The following TEX15 variants were observed in gnomAD, a reference collection of about 807,000 sequenced individuals.
TEX15 encodes the protein testis-expressed protein 15.
In TEX15, 171 loss-of-function variants were observed where a neutral mutation model predicts 237.3. The ratio of observed to expected loss-of-function variants is 0.72; its 90% CI spans 0.64 to 0.82. TEX15 has a LOEUF of 0.82. TEX15 is among the 40% of genes least tolerant of loss of function. The probability of loss-of-function intolerance (pLI) is 0.00; values close to 1 mark genes in which losing one functional copy is unlikely to be tolerated. For missense variants in TEX15, 3,750 were observed against 3,646.5 expected (o/e 1.03, Z -0.73); for synonymous variants, 1,338 against 1,269.8 (o/e 1.05, Z -1.14).
chr8:30,864,166 A>G (rs1270972969), intron 5 of TEX15, among the ~76,000 whole-genome samples: 1 of 152,060 alleles, frequency 6.6e-6, no homozygotes, highest in Non-Finnish European at 1.5e-5. Context: ...CAGTAACTAA[A>G]ATGAACAGCT....
chr8:30,840,025 T>C, intron 8 of TEX15, 61 bp from the exon 9 acceptor site: 1 of 1,027,604 alleles, frequency 9.7e-7, no homozygotes, highest in Non-Finnish European at 1.4e-6. Context: ...ATAAAAATAA[T>C]TATTATTTCA....
In TEX15 at chr8:30,837,530, A is replaced by G; in HGVS notation, c.8754T>C (p.Leu2918=). The G allele has an allele frequency of 6.2e-7, 1 of 1,613,814 alleles. No homozygotes were observed. The highest frequency in any genetic ancestry group is 8.5e-7 in the Non-Finnish European group (1 of 1,179,810). ...ATGAATTTACTATATCATTATCTTG[A>G]AGTTCAAAGACTGTGTCATTCATTT... is the stretch of plus-strand genomic sequence containing the variant. ...DLEMNDTVFE[L]QDNDIVNSSI... is the part of the protein sequence containing the mutation. Residue 2918 remains leucine, a synonymous_variant, in exon 10 of 11, where the codon CTT becomes CTC. Transcript: ENST00000643185.
rs1807585106 is a variant in TEX15, at chr8:30,845,653, T to C, written c.4514A>G (p.His1505Arg). The C allele has an allele frequency of 3.7e-6, 6 of 1,613,510 alleles. No homozygotes were observed. The highest frequency in any genetic ancestry group is 5.1e-6 in the Non-Finnish European group (6 of 1,179,616). Residue 1505 changes from histidine to arginine, a missense_variant, in exon 8 of 11, where the codon CAC becomes CGC. By Grantham distance (29) the His-to-Arg change is conservative. Transcript: ENST00000643185. ...TTCTTGATTACAAAATTCTCCCATGTGACTGGTGGTGGGGTGACTTTTTGA... is the reference window on the plus strand; with the variant it reads ...TTCTTGATTACAAAATTCTCCCATGCGACTGGTGGTGGGGTGACTTTTTGA... Reference protein sequence around the residue: ...SVSKSHPTTSHMGEFCNQEHP... With the variant: ...SVSKSHPTTSRMGEFCNQEHP...
At position 30,846,235 on chromosome 8, in the gene TEX15, T is replaced by C. The variant is rs1807602674; in HGVS notation, c.3932A>G (p.Gln1311Arg). Residue 1311 changes from glutamine to arginine, a missense_variant, in exon 8 of 11, where the codon CAG becomes CGG. Gln to Arg is a conservative substitution (Grantham distance 43, BLOSUM62 1). Coordinates refer to ENST00000643185, the MANE Select transcript of TEX15 (RefSeq NM_001350162.2). ...KRKLHISSRD[Q>R]NIPHKDLRRH... ...TCTTAAATCTTTATGTGGTATGTTC[T>C]GATCCCTGGAAGATATATGTAGCTT... 1 of 1,613,508 alleles carries C rather than the reference T, an allele frequency of 6.2e-7. No individual in the cohort carries two copies. The highest frequency in any genetic ancestry group is 1.3e-5 in the African/African-American group (1 of 74,916).
intron 4 of TEX15, among the ~76,000 whole-genome samples, chr8:30,870,692 A>G (rs1253196419): frequency 6.6e-6 from 1 of 152,088 alleles, no homozygotes; most frequent in Non-Finnish European, 1.5e-5. Flanking sequence ...CAAAACGCTG[A>G]CAGCTAAGAG....
intron 8 of TEX15, among the ~76,000 whole-genome samples, chr8:30,840,938 AAC>A (rs1040095184): frequency 5.3e-4 from 81 of 152,142 alleles, no homozygotes; most frequent in Non-Finnish European, 1.0e-4. Flanking sequence ...TTTTTTTTGA[AAC>A]AGAGTCTTAC....
In TEX15 at chr8:30,843,227, T is replaced by A. The variant is rs2128767288; in HGVS notation, c.6940A>T (p.Ile2314Leu). The change falls in exon 8 of 11, where the codon ATA (isoleucine) becomes TTA (leucine). Residue 2314 changes from isoleucine (I) to leucine (L), a missense_variant. Transcript: ENST00000643185. ...NKCAFSKLQKIYDTLSKDLNN... is the reference protein window; with the variant it reads ...NKCAFSKLQKLYDTLSKDLNN... ...AAATCTTTAGACAAAGTATCATATA[T>A]CTTCTGCAACTTAGAAAAGGCACAT... 2 of 1,613,472 alleles carry A rather than the reference T, an allele frequency of 1.2e-6. No individual in the cohort carries two copies. Among genetic ancestry groups the A allele is most frequent in the South Asian group, 1.1e-5 (1 of 91,032 alleles).
chr8:30,906,196 C>T (rs1350047912), intron 1 of TEX15, among the ~76,000 whole-genome samples: 1 of 152,140 alleles, frequency 6.6e-6, no homozygotes, highest in African/African-American at 2.4e-5. Flanking sequence ...TTAATCCTCA[C>T]AGTTTAATGT....
intron 4 of TEX15, among the ~76,000 whole-genome samples, chr8:30,873,394 T>C (rs1011012713): frequency 2.6e-5 from 4 of 152,186 alleles, no homozygotes; most frequent in Admixed American, 1.3e-4. Flanking sequence ...GAGAAAATAA[T>C]GTTTCTTGTG....
At chr8:30,878,583 C>T (rs1808450918) in intron 3 of TEX15, among the ~76,000 whole-genome samples, 2 of 152,124 alleles carry the variant, frequency 1.3e-5, no homozygotes, top group Admixed American at 1.3e-4. Context: ...GATGCGGTTT[C>T]TCCATGTTGG....
intron 7 of TEX15, among the ~76,000 whole-genome samples, chr8:30,855,471 C>G (rs779781046): frequency 3.9e-5 from 6 of 152,178 alleles, no homozygotes; most frequent in Admixed American, 6.5e-5. Flanking sequence ...TGAAGAAATT[C>G]TAACTCTCAG....
chr8:30,863,745 T>C (rs1808100299), intron 5 of TEX15, among the ~76,000 whole-genome samples: 1 of 151,812 alleles, frequency 6.6e-6, no homozygotes, highest in South Asian at 2.1e-4. Context: ...GAGGGAAAAG[T>C]GCAGGCTCAG....
At position 30,845,718 on chromosome 8, in the gene TEX15, C is replaced by A. The variant is rs1475693618; in HGVS notation, c.4449G>T (p.Glu1483Asp). ...SKHKSYKTSG[E>D]KKCLSRKSMA... ...TACTTTTCCTAGAAAGGCATTTTTTCTCTCCACTTGTTTTATAAGACTTGT... is the reference window on the plus strand; with the variant it reads ...TACTTTTCCTAGAAAGGCATTTTTTATCTCCACTTGTTTTATAAGACTTGT... The change falls in exon 8 of 11, where the codon GAG (glutamate) becomes GAT (aspartate). Residue 1483 changes from glutamate (E) to aspartate (D), a missense_variant. Glu to Asp is a conservative substitution (Grantham distance 45, BLOSUM62 2). Transcript: ENST00000643185. 1 of 1,613,496 alleles carries A rather than the reference C, an allele frequency of 6.2e-7. No homozygotes were observed. Among genetic ancestry groups the A allele is most frequent in the African/African-American group, 1.3e-5 (1 of 74,906 alleles).
chr8:30,840,033 TC>T, intron 8 of TEX15, 69 bp from the exon 9 acceptor site: 7 of 908,996 alleles, frequency 7.7e-6, no homozygotes, highest in Non-Finnish European at 1.1e-5. Flanking sequence ...AATTATTATT[TC>T]AATATTAGAT....
chr8:30,869,067 A>T (rs1217039761), intron 4 of TEX15, among the ~76,000 whole-genome samples: 1 of 151,860 alleles, frequency 6.6e-6, no homozygotes, highest in South Asian at 2.1e-4. Context: ...ATGTCTTCAG[A>T]ACTATATTTG....
Position 30,875,033 on chromosome 8 carries a change from C to T in TEX15, c.206G>A (p.Arg69Lys). Residue 69 changes from arginine to lysine, a missense_variant, in exon 4 of 11, where the codon AGG becomes AAG. Transcript: ENST00000643185. ...SFIHDTLNQC[R>K]LDVNCDLQSL... is the part of the protein sequence containing the mutation. ...CTGCAGATCACAGTTTACATCAAGC[C>T]TGCACTGGTTAAGAGTATCATGTAT... The T allele has an allele frequency of 1.5e-6, 2 of 1,372,676 alleles. No individual in the cohort carries two copies. The highest frequency in any genetic ancestry group is 1.9e-6 in the Non-Finnish European group (2 of 1,060,690). 85.0% of individuals were successfully genotyped at this position (1,372,676 alleles called of 1,614,324 possible). A position where few individuals can be genotyped will look rare whatever the true frequency, so the allele number is the denominator to read the frequency against.
At chr8:30,855,678 AT>A (rs773857293) in intron 7 of TEX15, among the ~76,000 whole-genome samples, 3 of 152,210 alleles carry the variant, frequency 2.0e-5, no homozygotes, top group East Asian at 1.9e-4. Context: ...TTGTCAAAAG[AT>A]GGAAACAACC....
intron 3 of TEX15, among the ~76,000 whole-genome samples, chr8:30,886,145 C>T (rs1808641373): frequency 6.6e-6 from 1 of 152,140 alleles, no homozygotes; most frequent in Admixed American, 6.5e-5. Flanking sequence ...ATATCCTGGT[C>T]AACTGGGGCA....
intron 7 of TEX15, among the ~76,000 whole-genome samples, chr8:30,854,438 G>C (rs774208464): frequency 6.6e-6 from 1 of 151,988 alleles, no homozygotes; most frequent in Non-Finnish European, 1.5e-5. Flanking sequence ...TGAACGTGAT[G>C]CAAGAAGAAA....
Sources: gnomAD v4.1 joint callset for allele counts (sites outside exome capture counted in the v4.1 genomes callset) on GRCh38, gnomAD v4.1.1 for gene constraint, MANE v1.5 for transcripts, NCBI Gene and HGNC (gene_info 2026-07-23, HGNC 2026-07-21) for gene names.